CDYL: variants seen among roughly 807,000 people sequenced by gnomAD.
CDYL encodes the protein chromodomain Y-like protein.
A neutral mutation model predicts 47.3 loss-of-function variants in CDYL; 8 were observed. The observed-to-expected ratio is 0.17, with a 90% CI of 0.10 to 0.31. The LOEUF (loss-of-function observed/expected upper bound fraction) is 0.31, where lower values mean the gene tolerates loss of function less well. Ranked by LOEUF, CDYL falls within the 10% of genes least tolerant of loss-of-function variation. The pLI, the probability that CDYL is intolerant of heterozygous loss-of-function variation, is 1.00. For synonymous variants in CDYL, 266 were observed against 265.0 expected, an observed-to-expected ratio of 1.00 and a Z score of -0.04; for missense variants, 471 against 701.4, an observed-to-expected ratio of 0.67 and a Z score of 3.71.
intron 1 of CDYL, among the ~76,000 whole-genome samples, chr6:4,857,519 A>C (rs1761045415): frequency 6.6e-6 from 1 of 152,170 alleles, no homozygotes; most frequent in Non-Finnish European, 1.5e-5. Flanking sequence ...CCCTTTAGCA[A>C]ACTTAAGGTC....
At chr6:4,884,586 TGTG>T (rs558479548) in intron 1 of CDYL, among the ~76,000 whole-genome samples, 22 of 152,188 alleles carry the variant, frequency 1.4e-4, no homozygotes, top group Admixed American at 4.6e-4. Flanking sequence ...TGAGCGCATT[TGTG>T]GTGGACTGTC....
At chr6:4,898,070 AATC>A (rs1263065203) in intron 2 of CDYL, among the ~76,000 whole-genome samples, 1 of 152,016 alleles carries the variant, frequency 6.6e-6, no homozygotes, top group Non-Finnish European at 1.5e-5. Context: ...CCAAAAAAAA[AATC>A]CAGGCATGGT....
At position 4,953,822 on chromosome 6, in the gene CDYL, C is replaced by T. The variant is rs1384269998; in HGVS notation, c.1477-76C>T. On this transcript the variant is annotated intron_variant, in intron 6 of 6. Transcript: ENST00000397588. Reference sequence around the variant, plus strand: ...ATTGCTGGAATTTGATGATTGCCTCCGTAAATGTGGAGGCACAGGGGACCC... The same window carrying T: ...ATTGCTGGAATTTGATGATTGCCTCTGTAAATGTGGAGGCACAGGGGACCC... 2.0e-5 allele frequency: 28 copies of T among 1,387,956 alleles called. No homozygotes were observed. In the East Asian group the frequency reaches 4.0e-4, roughly 20 times the overall value. The allele number at this position is 1,387,956 out of a possible 1,614,324, so 86.0% of individuals were successfully genotyped here. A position where few individuals can be genotyped will look rare whatever the true frequency, so the allele number is the denominator to read the frequency against.
At chr6:4,716,141 G>A (rs1174231646) in intron 2 of CDYL, among the ~76,000 whole-genome samples, 3 of 151,888 alleles carry the variant, frequency 2.0e-5, no homozygotes, top group African/African-American at 4.8e-5. Context: ...CCAGCTACTC[G>A]GGAGGCTGAG....
intron 2 of CDYL, among the ~76,000 whole-genome samples, chr6:4,902,822 G>A (rs534348052): frequency 6.6e-6 from 1 of 152,290 alleles, no homozygotes; most frequent in South Asian, 2.1e-4. Context: ...AGATTGGATG[G>A]ATGGGAGCCG....
intron 1 of CDYL, among the ~76,000 whole-genome samples, chr6:4,784,175 G>A (rs992355138): frequency 2.6e-5 from 4 of 151,916 alleles, no homozygotes; most frequent in African/African-American, 4.8e-5. Flanking sequence ...TTTTTACTTC[G>A]AAATATTCTG....
chr6:4,851,005 G>A (rs1461251359), intron 1 of CDYL, among the ~76,000 whole-genome samples: 2 of 152,076 alleles, frequency 1.3e-5, no homozygotes, highest in Non-Finnish European at 2.9e-5. Context: ...TGAGCACTAG[G>A]GTCTGTGGCT....
chr6:4,760,805 G>T (rs760815546), intron 3 of CDYL, among the ~76,000 whole-genome samples: 1 of 151,290 alleles, frequency 6.6e-6, no homozygotes, highest in Non-Finnish European at 1.5e-5. Context: ...AAGAGTAACT[G>T]CCAGAAAACC....
chr6:4,731,493 A>G (rs1757604200), intron 2 of CDYL, among the ~76,000 whole-genome samples: 1 of 152,048 alleles, frequency 6.6e-6, no homozygotes, highest in Admixed American at 6.6e-5. Flanking sequence ...TCCAAAAAAC[A>G]TGTCTTGAAA....
intron 1 of CDYL, among the ~76,000 whole-genome samples, chr6:4,804,476 C>T (rs934109037): frequency 2.6e-5 from 4 of 152,150 alleles, no homozygotes; most frequent in South Asian, 2.1e-4. Flanking sequence ...GTCTTACGAC[C>T]GCATCTCCAG....
intron 3 of CDYL, among the ~76,000 whole-genome samples, chr6:4,750,501 CAA>C (rs34496955): frequency 1.3e-5 from 2 of 151,818 alleles, no homozygotes; most frequent in Non-Finnish European, 2.9e-5. Flanking sequence ...CATGCCCGGC[CAA>C]AAAAATTTTT....
chr6:4,815,341 G>A (rs1280701487), intron 1 of CDYL, among the ~76,000 whole-genome samples: 5 of 152,048 alleles, frequency 3.3e-5, no homozygotes, highest in African/African-American at 9.7e-5. Context: ...AGAATATTTT[G>A]TATGTCACTA....
intron 1 of CDYL, among the ~76,000 whole-genome samples, chr6:4,789,519 C>T (rs2127434136): frequency 6.6e-6 from 1 of 152,288 alleles, no homozygotes; most frequent in East Asian, 1.9e-4. Context: ...CTCCCCCACT[C>T]CCAGTGGGCA....
intron 1 of CDYL, among the ~76,000 whole-genome samples, chr6:4,840,206 A>G (rs1581203778): frequency 6.6e-6 from 1 of 151,426 alleles, no homozygotes; most frequent in African/African-American, 2.4e-5. Context: ...TTTGAGTCTC[A>G]CCTTGGTTGT....
chr6:4,827,480 G>A (rs1019523402), intron 1 of CDYL, among the ~76,000 whole-genome samples: 2 of 151,874 alleles, frequency 1.3e-5, no homozygotes, highest in African/African-American at 4.8e-5. Flanking sequence ...TGGTTATCAT[G>A]GGAATTATAT....
chr6:4,838,455 A>G (rs984951940), intron 1 of CDYL, among the ~76,000 whole-genome samples: 1 of 152,176 alleles, frequency 6.6e-6, no homozygotes, highest in Non-Finnish European at 1.5e-5. Context: ...CTCCAGTTCC[A>G]TCCAGGTTGC....
intron 2 of CDYL, among the ~76,000 whole-genome samples, chr6:4,729,994 TCAGA>T (rs1306373098): frequency 1.8e-4 from 27 of 152,048 alleles, no homozygotes. Context: ...TCTGAAAGGA[TCAGA>T]CAATTTTCTT....
At chr6:4,724,415 A>C (rs939787510) in intron 2 of CDYL, 5 of 152,140 alleles carry the variant, frequency 3.3e-5, no homozygotes, top group African/African-American at 1.2e-4. Context: ...GCTTACCTTG[A>C]TGGGTTTATG....
At chr6:4,707,963 G>A (rs1250649767) in intron 1 of CDYL, among the ~76,000 whole-genome samples, 1 of 148,796 alleles carries the variant, frequency 6.7e-6, no homozygotes, top group Non-Finnish European at 1.5e-5. Flanking sequence ...GAATAAGCAG[G>A]ACTTTATTTT....
Sources: allele counts gnomAD v4.1 joint callset (sites outside exome capture counted in the v4.1 genomes callset), GRCh38; gene constraint gnomAD v4.1.1; transcripts MANE v1.5; gene names NCBI Gene and HGNC (gene_info 2026-07-23, HGNC 2026-07-21).